ABLIM1: variants seen among roughly 807,000 people sequenced by gnomAD.
ABLIM1 encodes actin binding LIM protein 1, also known as actin-binding LIM protein 1.
In ABLIM1, 40 loss-of-function variants were observed where a neutral mutation model predicts 107.0. That is an observed-to-expected ratio of 0.37 (90% CI 0.29 to 0.49). ABLIM1 has a LOEUF of 0.49. ABLIM1 is among the 20% of genes least tolerant of loss of function. The probability of loss-of-function intolerance (pLI) is 0.97; values close to 1 mark genes in which losing one functional copy is unlikely to be tolerated. For synonymous variants in ABLIM1, 357 were observed against 357.3 expected (o/e 1.00, Z 0.01); for missense variants, 857 against 1,008.5 (o/e 0.85, Z 2.04).
chr10:114,451,720 G>A (rs763262061), intron 13 of ABLIM1, 49 bp from the exon 14 acceptor site: 15 of 1,506,494 alleles, frequency 1.0e-5, no homozygotes, highest in Middle Eastern at 1.7e-4. Context: ...CCAGTTCAGC[G>A]ATGGGAAAAA....
At chr10:114,738,743 C>G (rs1566290437) in intron 1 of ABLIM1, among the ~76,000 whole-genome samples, 1 of 151,660 alleles carries the variant, frequency 6.6e-6, no homozygotes, top group Non-Finnish European at 1.5e-5. Flanking sequence ...TTCATAAACT[C>G]CTTGTTGGAT....
At chr10:114,610,917 G>T (rs2076764212) in intron 1 of ABLIM1, among the ~76,000 whole-genome samples, 1 of 152,222 alleles carries the variant, frequency 6.6e-6, no homozygotes, top group Non-Finnish European at 1.5e-5. Context: ...ACTTTGGGAG[G>T]CCCAGGCAGG....
chr10:114,610,963 C>T (rs1029311645), intron 1 of ABLIM1, among the ~76,000 whole-genome samples: 12 of 152,060 alleles, frequency 7.9e-5, no homozygotes, highest in African/African-American at 2.9e-4. Flanking sequence ...ACCAGCCTGG[C>T]CAACATAGTG....
upstream of ABLIM1, among the ~76,000 whole-genome samples, chr10:114,768,578 A>T (rs1485207526): frequency 1.3e-5 from 2 of 151,702 alleles, no homozygotes; most frequent in Non-Finnish European, 2.9e-5. Context: ...CGGTCGCCTG[A>T]GGGGGCTCAG....
chr10:114,524,581 A>G (rs989638811), intron 6 of ABLIM1, among the ~76,000 whole-genome samples: 6 of 152,124 alleles, frequency 3.9e-5, no homozygotes, highest in Admixed American at 3.3e-4. Context: ...ACAAACAAAC[A>G]AACAACAACA....
At chr10:114,652,440 G>A (rs1009749420) in intron 1 of ABLIM1, among the ~76,000 whole-genome samples, 2 of 152,176 alleles carry the variant, frequency 1.3e-5, no homozygotes, top group African/African-American at 2.4e-5. Flanking sequence ...TCTCACTTAC[G>A]TGATACCCTG....
At chr10:114,670,931 T>G (rs2080228090) in intron 1 of ABLIM1, among the ~76,000 whole-genome samples, 1 of 152,238 alleles carries the variant, frequency 6.6e-6, no homozygotes, top group Non-Finnish European at 1.5e-5. Flanking sequence ...AATTTTTTAT[T>G]GAAATATATA....
Position 114,755,644 on chromosome 10 carries a change from A to C in ABLIM1, c.-213+12417T>G, listed in dbSNP as rs145969914. Among the ~76,000 whole-genome samples, 15 of 152,350 alleles carry C rather than the reference A, an allele frequency of 9.8e-5. No individual in the cohort carries two copies. In the East Asian group the frequency reaches 1.5e-3, roughly 16 times the overall value. The stretch of plus-strand genomic sequence containing the variant: ...TTGTACAGAGAGTAAAACTTCAGTG[A>C]GGTCCTCAGGTAAGCCATGACATTA... On this transcript the variant is annotated intron_variant, in intron 1 of 15. Transcript: ENST00000651092.
At chr10:114,495,736 A>G (rs559963215) in intron 6 of ABLIM1, among the ~76,000 whole-genome samples, 25 of 152,300 alleles carry the variant, frequency 1.6e-4, no homozygotes, top group African/African-American at 5.8e-4. Flanking sequence ...TTTGTGTCAC[A>G]ATAACCTAAG....
At chr10:114,583,454 CACACACACACACACATATAT>C (rs1566008908) in intron 2 of ABLIM1, among the ~76,000 whole-genome samples, 5 of 16,082 alleles carry the variant, frequency 3.1e-4, no homozygotes, top group African/African-American at 5.6e-4. Context: ...CACACACACA[CACACACACACACACATATAT>C]ATATATATAT....
Position 114,611,167 on chromosome 10 carries a change from AT to A in ABLIM1, c.245-9207del, listed in dbSNP as rs1222699980. ...ACTCCATCTCAAAAAAAAAAAAAAA[AT>A]AGATACCCTGATACTTGGCTGGGCA... On this transcript the variant is annotated intron_variant, in intron 1 of 22. Coordinates refer to ENST00000533213, the MANE Select transcript of ABLIM1 (RefSeq NM_002313.7). Among the ~76,000 whole-genome samples, 376 of 151,634 alleles carry A rather than the reference AT, an allele frequency of 2.5e-3. 2 individuals are homozygous for A. Among genetic ancestry groups the A allele is most frequent in the African/African-American group, 7.9e-3 (324 of 41,244 alleles).
At chr10:114,788,730 AAAAC>A in the ABLIM1 span, among the ~76,000 whole-genome samples, 233 of 152,006 alleles carry the variant, frequency 1.5e-3, 1 homozygote, top group African/African-American at 4.9e-3. Flanking sequence ...TCCGTCTCAA[AAAAC>A]AAACAAACAA....
At chr10:114,730,444 G>A (rs1566281934) in intron 1 of ABLIM1, among the ~76,000 whole-genome samples, 1 of 149,114 alleles carries the variant, frequency 6.7e-6, no homozygotes. Flanking sequence ...GAAGGGCTGA[G>A]TAAGCACTAT....
At position 114,491,867 on chromosome 10, in the gene ABLIM1, T is replaced by C; in HGVS notation, c.906A>G (p.Lys302=). The change falls in exon 7 of 23, where the codon AAA becomes AAG. Residue 302 remains lysine (K), a synonymous_variant. Coordinates refer to ENST00000533213, the MANE Select transcript of ABLIM1 (RefSeq NM_002313.7). ...ITGKVLEAGD[K]HYHPSCARCS... ...ATCGTGCACAGCTGGGGTGGTAATG[T>C]TTGTCACCTGCCTGCAAGAGAAAAG... 6.2e-7 allele frequency: 1 copy of C among 1,606,870 alleles called. No homozygotes were observed. The highest frequency in any genetic ancestry group is 8.5e-7 in the Non-Finnish European group (1 of 1,174,394).
chr10:114,473,031 C>T lies in ABLIM1; in HGVS notation c.1221G>A (p.Glu407=). ...CATCATAGCCCGAAGTGTAGAAAGG[C>T]TCATAGGTAATAAGATCTGGACGTT... is the stretch of plus-strand genomic sequence containing the variant. ...DIERPDLITY[E]PFYTSGYDDK... is the part of the protein sequence containing the mutation. The change falls in exon 10 of 23, where the codon GAG becomes GAA. Residue 407 remains glutamate, a synonymous_variant. Coordinates refer to ENST00000533213, the MANE Select transcript of ABLIM1 (RefSeq NM_002313.7). 1 of 1,613,010 alleles carries T rather than the reference C, an allele frequency of 6.2e-7. No homozygotes were observed. The highest frequency in any genetic ancestry group is 1.1e-5 in the South Asian group (1 of 90,812).
chr10:114,469,679 C>T (rs1331001767), intron 10 of ABLIM1, among the ~76,000 whole-genome samples: 1 of 152,212 alleles, frequency 6.6e-6, no homozygotes, highest in East Asian at 1.9e-4. Context: ...TACTGTCTGT[C>T]TCCCACGTGA....
rs189238383 is a variant in ABLIM1, at chr10:114,719,515, C to T, written c.-213+48546G>A. Among the ~76,000 whole-genome samples, 61 of 152,362 alleles carry T rather than the reference C, an allele frequency of 4.0e-4. 2 individuals carry two copies. The South Asian group carries it at 8.3e-3, about 21-fold the overall frequency. On this transcript the variant is annotated intron_variant, in intron 1 of 15. Transcript: ENST00000651092. Reference sequence around the variant, plus strand: ...CTATCAAGGTCACTGACCTCACCCTCTTCAGAATATTTGGGAAAGATTCGT... The same window carrying T: ...CTATCAAGGTCACTGACCTCACCCTTTTCAGAATATTTGGGAAAGATTCGT...
intron 8 of ABLIM1, among the ~76,000 whole-genome samples, chr10:114,484,384 C>A (rs766293187): frequency 6.6e-6 from 1 of 151,994 alleles, no homozygotes; most frequent in Non-Finnish European, 1.5e-5. Context: ...CTTCACTGTT[C>A]TTTTGTTTTT....
chr10:114,451,821 A>G lies in ABLIM1; in HGVS notation c.1547-150T>C, dbSNP rs7895119. On this transcript the variant is annotated intron_variant, in intron 13 of 22. Transcript: ENST00000533213. Reference sequence around the variant, plus strand: ...TGTATTACAAAGATTGAGTTTATTGAAAGAAAAATTATAGAAATGAGTGGC... The same window carrying G: ...TGTATTACAAAGATTGAGTTTATTGGAAGAAAAATTATAGAAATGAGTGGC... 5,968 of 710,326 alleles carry G rather than the reference A, an allele frequency of 8.4e-3. 266 individuals carry two copies. The African/African-American group carries it at 0.097, about 12-fold the overall frequency. 44.0% of individuals were successfully genotyped at this position (710,326 alleles called of 1,614,324 possible). A position where few individuals can be genotyped will look rare whatever the true frequency, so the allele number is the denominator to read the frequency against.
Sources: allele counts gnomAD v4.1 joint callset (sites outside exome capture counted in the v4.1 genomes callset), GRCh38; gene constraint gnomAD v4.1.1; transcripts MANE v1.5; gene names NCBI Gene and HGNC (gene_info 2026-07-23, HGNC 2026-07-21).